MYO3A: variants seen among roughly 807,000 people sequenced by gnomAD.
MYO3A encodes the protein myosin IIIA, also known as myosin-IIIa.
In MYO3A, 180 loss-of-function variants were observed where a neutral mutation model predicts 192.7. The observed-to-expected ratio is 0.93, with a 90% CI of 0.83 to 1.06. The LOEUF is 1.06. MYO3A is among the 50% of genes least tolerant of loss of function. The probability of loss-of-function intolerance (pLI) is 0.00; values close to 1 mark genes in which losing one functional copy is unlikely to be tolerated. For synonymous variants in MYO3A, 628 were observed against 645.3 expected (o/e 0.97, Z 0.41); for missense variants, 1,896 against 1,905.0 (o/e 1.00, Z 0.09).
chr10:26,191,894 C>A lies in MYO3A; in HGVS notation c.4439-1311C>A, dbSNP rs2132143053. Reference sequence around the variant, plus strand: ...ATTTCAACATCTGGGGATTAGGAATCATCACTCCCCCTTTACTGTATGCAA... The same window carrying A: ...ATTTCAACATCTGGGGATTAGGAATAATCACTCCCCCTTTACTGTATGCAA... On this transcript the variant is annotated intron_variant, in intron 31 of 34. Transcript: ENST00000642920. Among the ~76,000 whole-genome samples the A allele has an allele frequency of 2.0e-5, 3 of 152,268 alleles. No individual in the cohort carries two copies. The South Asian group carries it at 6.2e-4, about 32-fold the overall frequency.
intron 10 of MYO3A, among the ~76,000 whole-genome samples, chr10:26,062,431 T>A (rs1834544384): frequency 6.8e-6 from 1 of 147,116 alleles, no homozygotes; most frequent in Non-Finnish European, 1.5e-5. Flanking sequence ...GCAGGAGAAT[T>A]GCTTGAACCC....
intron 4 of MYO3A, among the ~76,000 whole-genome samples, chr10:25,989,301 C>T (rs1402487938): frequency 1.3e-5 from 2 of 149,444 alleles, no homozygotes; most frequent in Admixed American, 1.3e-4. Context: ...TTAAAAGATA[C>T]AATTTCTTTT....
intron 10 of MYO3A, among the ~76,000 whole-genome samples, chr10:26,027,773 A>G (rs1842622270): frequency 6.6e-6 from 1 of 152,218 alleles, no homozygotes; most frequent in Non-Finnish European, 1.5e-5. Flanking sequence ...TTTAATGGCT[A>G]GATAGCATTC....
intron 23 of MYO3A, among the ~76,000 whole-genome samples, chr10:26,152,282 G>T (rs1840839252): frequency 6.6e-6 from 1 of 152,242 alleles, no homozygotes. Flanking sequence ...TATCTATTAT[G>T]TGCTAGGCAC....
rs59025321 is a variant in MYO3A at position 26,179,089 on chromosome 10, A to ATTTTTTT, written c.4438+2264_4438+2270dup. Among the ~76,000 whole-genome samples the ATTTTTTT allele has an allele frequency of 4.4e-3, 288 of 66,136 alleles. 64 individuals carry two copies. The highest frequency in any genetic ancestry group is 9.9e-3 in the African/African-American group (143 of 14,448). 43.4% of individuals were successfully genotyped at this position (66,136 alleles called of 152,430 possible). On this transcript the variant is annotated intron_variant, in intron 31 of 34. Coordinates refer to ENST00000642920, the MANE Select transcript of MYO3A (RefSeq NM_017433.5). ...CTGGGATTACACCGTGCCCAGCCTA[A>ATTTTTTT]TTTTTTTTTTTTTTTTTTTTTTTTT... is the stretch of plus-strand genomic sequence containing the variant.
rs762313427 is a variant in MYO3A at position 26,147,560 on chromosome 10, G to A, written c.2635+1G>A. 1.9e-6 allele frequency: 3 copies of A among 1,613,786 alleles called. No individual in the cohort carries two copies. The highest frequency in any genetic ancestry group is 1.7e-6 in the Non-Finnish European group (2 of 1,179,938). ...GTCAACCACCCTCTGACCAAAACAG[G>A]TAAGACAATTTTCCTTACCTGGAAG... is the stretch of plus-strand genomic sequence containing the variant. On this transcript the variant is annotated splice_donor_variant, in intron 23 of 34. Coordinates refer to ENST00000642920, the MANE Select transcript of MYO3A (RefSeq NM_017433.5). LOFTEE classifies it high-confidence loss of function.
chr10:26,070,526 A>G (rs1268707972), intron 14 of MYO3A, 125 bp downstream of exon 14: 4 of 877,850 alleles, frequency 4.6e-6, no homozygotes, highest in Non-Finnish European at 7.2e-6. Flanking sequence ...TTTAAAATAC[A>G]GTTGTTATCC....
chr10:26,068,728 A>T (rs961924111), intron 11 of MYO3A, 40 bp from the exon 12 acceptor site: 1 of 1,343,528 alleles, frequency 7.4e-7, no homozygotes, highest in African/African-American at 1.4e-5. Flanking sequence ...TTGACCACAA[A>T]TAATTTTTAA....
intron 6 of MYO3A, among the ~76,000 whole-genome samples, chr10:26,002,758 G>A (rs187958243): frequency 3.3e-5 from 5 of 152,202 alleles, no homozygotes; most frequent in African/African-American, 1.2e-4. Flanking sequence ...AAAAGTAGAA[G>A]GCAAAGAATT....
At chr10:26,179,902 C>T (rs1474323017) in intron 31 of MYO3A, among the ~76,000 whole-genome samples, 3 of 152,190 alleles carry the variant, frequency 2.0e-5, no homozygotes, top group East Asian at 1.9e-4. Flanking sequence ...GGCACGACCT[C>T]GGCTCACTGC....
chr10:26,029,875 T>C (rs1466818533), intron 10 of MYO3A, among the ~76,000 whole-genome samples: 10 of 152,298 alleles, frequency 6.6e-5, no homozygotes, highest in African/African-American at 2.4e-4. Context: ...GGGAGGTTTT[T>C]TATTTTGGTT....
At chr10:26,129,229 A>G (rs899280745) in intron 20 of MYO3A, among the ~76,000 whole-genome samples, 2 of 152,210 alleles carry the variant, frequency 1.3e-5, no homozygotes, top group African/African-American at 4.8e-5. Flanking sequence ...TTTATTCAAA[A>G]TATTTAGGCT....
At chr10:26,147,311 C>T in intron 22 of MYO3A, 119 bp from the exon 23 acceptor site, 2 of 1,060,976 alleles carry the variant, frequency 1.9e-6, no homozygotes, top group Non-Finnish European at 2.9e-6. Flanking sequence ...GCTTGTATCA[C>T]TGTTGCTGAA....
chr10:26,209,145 G>A (rs921177303), intron 34 of MYO3A, among the ~76,000 whole-genome samples: 6 of 152,046 alleles, frequency 3.9e-5, no homozygotes, highest in South Asian at 4.1e-4. Context: ...TATATCAGTC[G>A]TCCTACCACT....
chr10:26,152,622 A>G (rs1394565314), intron 23 of MYO3A, among the ~76,000 whole-genome samples: 2 of 152,222 alleles, frequency 1.3e-5, no homozygotes, highest in East Asian at 3.8e-4. Context: ...AAATGGATAT[A>G]TTTTCAGAAA....
At chr10:26,055,906 A>G (rs1844287300) in intron 10 of MYO3A, among the ~76,000 whole-genome samples, 1 of 152,202 alleles carries the variant, frequency 6.6e-6, no homozygotes, top group Non-Finnish European at 1.5e-5. Context: ...ACACCTATTT[A>G]TTGGAGTTAC....
At chr10:26,126,331 T>A (rs927638094) in intron 19 of MYO3A, among the ~76,000 whole-genome samples, 3 of 152,182 alleles carry the variant, frequency 2.0e-5, no homozygotes, top group African/African-American at 7.2e-5. Flanking sequence ...ATGCCTACCA[T>A]AAGATCACCT....
chr10:25,966,623 C>A (rs72789937), intron 4 of MYO3A, among the ~76,000 whole-genome samples: 6,636 of 152,040 alleles, frequency 0.044, 179 homozygotes, highest in Non-Finnish European at 0.065. Context: ...TTGAAATAGC[C>A]CCCAAACTAC....
intron 21 of MYO3A, 74 bp from the exon 22 acceptor site, chr10:26,145,372 T>G: frequency 9.7e-7 from 1 of 1,034,734 alleles, no homozygotes; most frequent in Admixed American, 1.8e-5. Context: ...GTCCTTTTTA[T>G]GGTAAATAAT....
Sources: gnomAD v4.1 joint callset for allele counts (sites outside exome capture counted in the v4.1 genomes callset) on GRCh38, gnomAD v4.1.1 for gene constraint, MANE v1.5 for transcripts, NCBI Gene and HGNC (gene_info 2026-07-23, HGNC 2026-07-21) for gene names.